B3GALT1: variants seen among roughly 807,000 people sequenced by gnomAD.
The protein encoded by B3GALT1 is UDP-Gal:betaGlcNAc beta 1,3-galactosyltransferase, polypeptide 1.
B3GALT1 carries 10 observed loss-of-function variants against 23.2 expected under a neutral mutation model. That is an observed-to-expected ratio of 0.43 (90% confidence interval 0.27 to 0.73). The LOEUF (loss-of-function observed/expected upper bound fraction) is 0.73, where lower values mean the gene tolerates loss of function less well. Ranked by LOEUF, B3GALT1 falls within the 30% of genes least tolerant of loss-of-function variation. B3GALT1 has a pLI of 0.21. For synonymous variants in B3GALT1, 156 were observed against 141.5 expected (o/e 1.10, Z -0.73); for missense variants, 299 against 405.4 (o/e 0.74, Z 2.25).
chr2:167,869,813 A>G lies in B3GALT1; in HGVS notation c.774A>G (p.Thr258=). The G allele has an allele frequency of 6.2e-7, 1 of 1,614,086 alleles. No individual in the cohort carries two copies. Among genetic ancestry groups the G allele is most frequent in the Non-Finnish European group, 8.5e-7 (1 of 1,179,986 alleles). The change falls in exon 5 of 5, where the codon ACA becomes ACG. Residue 258 remains threonine, a synonymous_variant. Transcript: ENST00000392690. The surrounding 1 kb of genome is among the most constrained non-coding windows in gnomAD (Gnocchi z 6.4). ...TCATTTACAAGACCTCACTCCACAC[A>G]AGGCTGCTTCACCTTGAAGACGTAT... ...AELIYKTSLH[T]RLLHLEDVYV...
At chr2:167,596,525 G>C (rs1224391600) in intron 2 of B3GALT1, among the ~76,000 whole-genome samples, 1 of 152,180 alleles carries the variant, frequency 6.6e-6, no homozygotes, top group African/African-American at 2.4e-5. Context: ...AGGATAATTA[G>C]AGATACTGTG....
At chr2:167,408,746 A>C (rs929388282) in intron 1 of B3GALT1, among the ~76,000 whole-genome samples, 9 of 151,876 alleles carry the variant, frequency 5.9e-5, no homozygotes, top group African/African-American at 1.9e-4. Flanking sequence ...CAATAGCTAC[A>C]AAAATATGAA....
chr2:167,381,917 G>A (rs1036583540), intron 1 of B3GALT1, among the ~76,000 whole-genome samples: 9 of 152,286 alleles, frequency 5.9e-5, no homozygotes, highest in African/African-American at 2.2e-4. Flanking sequence ...TGATGATGTA[G>A]ACAGCGAGAT....
intron 2 of B3GALT1, among the ~76,000 whole-genome samples, chr2:167,515,179 G>T (rs1287454036): frequency 1.3e-5 from 2 of 152,052 alleles, no homozygotes; most frequent in East Asian, 3.9e-4. Flanking sequence ...AATGTTTTCA[G>T]CTGGAGCTAA....
intron 4 of B3GALT1, among the ~76,000 whole-genome samples, chr2:167,827,229 A>C (rs577414642): frequency 1.3e-5 from 2 of 152,142 alleles, no homozygotes. Flanking sequence ...TTTAAGATTC[A>C]CCTGCCAGTT....
At chr2:167,813,005 C>G (rs1297212833) in intron 3 of B3GALT1, among the ~76,000 whole-genome samples, 11 of 116,176 alleles carry the variant, frequency 9.5e-5, no homozygotes, top group Non-Finnish European at 1.2e-4. Flanking sequence ...CACCCCCCCC[C>G]ACACAGTTCA....
At chr2:167,623,426 A>G (rs1430180189) in intron 2 of B3GALT1, among the ~76,000 whole-genome samples, 1 of 152,146 alleles carries the variant, frequency 6.6e-6, no homozygotes, top group African/African-American at 2.4e-5. Context: ...ATGCAGCCAT[A>G]AAAAAGGATG....
At chr2:167,448,643 GT>G (rs1456063757) in intron 1 of B3GALT1, among the ~76,000 whole-genome samples, 1 of 151,964 alleles carries the variant, frequency 6.6e-6, no homozygotes, top group Non-Finnish European at 1.5e-5. Context: ...TTATCTTTTT[GT>G]TTTTGTTGTA....
At position 167,539,840 on chromosome 2, in the gene B3GALT1, A is replaced by G. The variant is rs186857539; in HGVS notation, c.-410+49563A>G. Among the ~76,000 whole-genome samples the G allele has an allele frequency of 5.9e-3, 896 of 152,228 alleles. 5 individuals carry two copies. The highest frequency in any genetic ancestry group is 0.02 in the Middle Eastern group (6 of 294). On this transcript the variant is annotated intron_variant, in intron 2 of 4. Coordinates refer to ENST00000392690, the MANE Select transcript of B3GALT1 (RefSeq NM_020981.4). ...TAATTTAAATATAATTTTTAATTTA[A>G]TTTAAATGGCTTTCTTGTAAGCTTT...
At chr2:167,417,777 A>G (rs940353176) in intron 1 of B3GALT1, among the ~76,000 whole-genome samples, 1 of 152,204 alleles carries the variant, frequency 6.6e-6, no homozygotes, top group Non-Finnish European at 1.5e-5. Context: ...ATGGTCATTG[A>G]AAGTATTAAC....
intron 3 of B3GALT1, among the ~76,000 whole-genome samples, chr2:167,760,603 T>C (rs867356073): frequency 2.0e-5 from 3 of 152,170 alleles, no homozygotes; most frequent in East Asian, 1.9e-4. Context: ...TGAGATAAAA[T>C]GAAATGCTGA....
chr2:167,480,608 C>A (rs1358367612), intron 1 of B3GALT1, among the ~76,000 whole-genome samples: 3 of 152,012 alleles, frequency 2.0e-5, no homozygotes, highest in Non-Finnish European at 4.4e-5. Context: ...AAACAAAAAA[C>A]AAACAAACAA....
chr2:167,452,223 A>G (rs1446005434), intron 1 of B3GALT1, among the ~76,000 whole-genome samples: 2 of 151,692 alleles, frequency 1.3e-5, no homozygotes. Context: ...TGAAAACTTT[A>G]CATTCTGTCA....
chr2:167,750,040 A>G (rs1326446451), intron 3 of B3GALT1, among the ~76,000 whole-genome samples: 1 of 152,170 alleles, frequency 6.6e-6, no homozygotes, highest in Non-Finnish European at 1.5e-5. Flanking sequence ...GCCATTTTAA[A>G]TTTTAGTAGT....
intron 4 of B3GALT1, among the ~76,000 whole-genome samples, chr2:167,858,948 C>T (rs1454552707): frequency 6.6e-6 from 1 of 152,092 alleles, no homozygotes; most frequent in Non-Finnish European, 1.5e-5. Context: ...ATAGTGAATA[C>T]ACTAACAGCT....
At chr2:167,653,738 C>G (rs1685905691) in intron 3 of B3GALT1, among the ~76,000 whole-genome samples, 1 of 152,120 alleles carries the variant, frequency 6.6e-6, no homozygotes, top group South Asian at 2.1e-4. Context: ...CTTAACACCA[C>G]AAGAATTAAA....
intron 2 of B3GALT1, among the ~76,000 whole-genome samples, chr2:167,646,654 C>T (rs1475897163): frequency 1.3e-5 from 2 of 152,088 alleles, no homozygotes; most frequent in Non-Finnish European, 2.9e-5. Context: ...AGTTCTGAAA[C>T]CATTTATTCC....
intron 4 of B3GALT1, among the ~76,000 whole-genome samples, chr2:167,823,859 A>G (rs976141156): frequency 1.3e-5 from 2 of 152,264 alleles, no homozygotes; most frequent in Non-Finnish European, 2.9e-5. Context: ...ATTTTAAATT[A>G]GATAATATTT....
At chr2:167,436,273 A>G (rs1431565610) in intron 1 of B3GALT1, among the ~76,000 whole-genome samples, 1 of 152,006 alleles carries the variant, frequency 6.6e-6, no homozygotes, top group Non-Finnish European at 1.5e-5. Context: ...TGCTCTACTC[A>G]CGGTGTACTC....
Sources: gnomAD v4.1 joint callset for allele counts (sites outside exome capture counted in the v4.1 genomes callset) on GRCh38, gnomAD v4.1.1 for gene constraint, Gnocchi (gnomAD v3.1) non-coding constraint, MANE v1.5 for transcripts, NCBI Gene and HGNC (gene_info 2026-07-23, HGNC 2026-07-21) for gene names.